Variants in LRP1B observed in about 807,000 individuals in gnomAD.
LRP1B encodes LDL receptor related protein 1B.
In LRP1B, 217 loss-of-function variants were observed where a neutral mutation model predicts 556.6. The ratio of observed to expected loss-of-function variants is 0.39; its 90% CI spans 0.35 to 0.44. The LOEUF (loss-of-function observed/expected upper bound fraction) is 0.44, where lower values mean the gene tolerates loss of function less well. Ranked by LOEUF, LRP1B falls within the 20% of genes least tolerant of loss-of-function variation. LRP1B has a pLI of 1.00. For missense variants in LRP1B, 5,053 were observed against 5,620.8 expected (o/e 0.90, Z 3.23); for synonymous variants, 2,047 against 1,865.8 (o/e 1.10, Z -2.50).
At chr2:141,700,242 T>C (rs1412953451) in intron 2 of LRP1B, among the ~76,000 whole-genome samples, 1 of 151,810 alleles carries the variant, frequency 6.6e-6, no homozygotes, top group Admixed American at 6.6e-5. Context: ...TCTACTCAAA[T>C]CCCATGTAAA....
At chr2:141,617,560 GC>G (rs1402636428) in intron 2 of LRP1B, among the ~76,000 whole-genome samples, 1 of 151,998 alleles carries the variant, frequency 6.6e-6, no homozygotes, top group Non-Finnish European at 1.5e-5. Flanking sequence ...TCCTTACTTA[GC>G]CAATATTTTC....
intron 55 of LRP1B, among the ~76,000 whole-genome samples, chr2:140,500,983 GT>G (rs1689161828): frequency 6.6e-6 from 1 of 151,816 alleles, no homozygotes; most frequent in Non-Finnish European, 1.5e-5. Flanking sequence ...TCTTATTGAG[GT>G]TTTTCCACAT....
At chr2:141,742,259 T>C (rs984119259) in intron 2 of LRP1B, among the ~76,000 whole-genome samples, 8 of 151,096 alleles carry the variant, frequency 5.3e-5, no homozygotes, top group Admixed American at 2.6e-4. Flanking sequence ...TTCTTTCTTT[T>C]TTTTTTTTTT....
At chr2:140,324,681 AATT>A (rs1157329017) in intron 80 of LRP1B, among the ~76,000 whole-genome samples, 1 of 152,024 alleles carries the variant, frequency 6.6e-6, no homozygotes, top group Non-Finnish European at 1.5e-5. Context: ...TTTATAGAAT[AATT>A]ATTCTAACTT....
intron 35 of LRP1B, among the ~76,000 whole-genome samples, chr2:140,765,899 A>C (rs994956932): frequency 6.6e-6 from 1 of 152,134 alleles, no homozygotes; most frequent in African/African-American, 2.4e-5. Flanking sequence ...TGTTTAGAAT[A>C]AGAGGCTAAT....
At chr2:141,728,978 G>A (rs1339567432) in intron 2 of LRP1B, among the ~76,000 whole-genome samples, 1 of 152,112 alleles carries the variant, frequency 6.6e-6, no homozygotes, top group Non-Finnish European at 1.5e-5. Flanking sequence ...GCCAACAGGT[G>A]GCCAGACACT....
intron 25 of LRP1B, among the ~76,000 whole-genome samples, chr2:140,882,865 C>A (rs889387782): frequency 2.0e-5 from 3 of 152,138 alleles, no homozygotes; most frequent in Non-Finnish European, 4.4e-5. Context: ...CATTGGTGCT[C>A]CCTGGACTTG....
chr2:140,804,270 C>T (rs1017023115), intron 32 of LRP1B, among the ~76,000 whole-genome samples: 1 of 151,912 alleles, frequency 6.6e-6, no homozygotes, highest in Non-Finnish European at 1.5e-5. Context: ...TTCAGGATAA[C>T]AAGATTAAAT....
At chr2:140,540,908 T>A (rs1558954601) in intron 45 of LRP1B, 65 bp downstream of exon 45, 1 of 1,517,390 alleles carries the variant, frequency 6.6e-7, no homozygotes, top group Non-Finnish European at 9.0e-7. Flanking sequence ...ACTAACACAA[T>A]TTCAGTGATG....
At chr2:140,475,443 T>TCC (rs1687935054) in intron 59 of LRP1B, 106 bp from the exon 60 acceptor site, 1 of 755,854 alleles carries the variant, frequency 1.3e-6, no homozygotes, top group African/African-American at 1.8e-5. Context: ...AATCTTGCCA[T>TCC]TTTTCTGAAT....
chr2:140,950,200 A>G (rs759757615), intron 20 of LRP1B, 35 bp downstream of exon 20: 3 of 1,449,620 alleles, frequency 2.1e-6, no homozygotes, highest in Admixed American at 2.5e-5. Flanking sequence ...ATCAACTTTT[A>G]AAATGAGATT....
chr2:141,633,329 G>A (rs1399489367), intron 2 of LRP1B, among the ~76,000 whole-genome samples: 4 of 152,142 alleles, frequency 2.6e-5, no homozygotes, highest in Middle Eastern at 3.4e-3. Flanking sequence ...CTGGTTATAA[G>A]GAAAGAACTA....
intron 6 of LRP1B, among the ~76,000 whole-genome samples, chr2:141,189,382 A>T (rs1405815021): frequency 6.6e-6 from 1 of 151,934 alleles, no homozygotes; most frequent in Non-Finnish European, 1.5e-5. Flanking sequence ...TGTCTCACTC[A>T]TTATCTTCAT....
At chr2:140,763,149 G>T (rs1688987332) in intron 35 of LRP1B, among the ~76,000 whole-genome samples, 1 of 152,042 alleles carries the variant, frequency 6.6e-6, no homozygotes, top group South Asian at 2.1e-4. Flanking sequence ...GATGTTGCCG[G>T]TGGGTTAAGA....
At chr2:140,537,805 G>A (rs185031428) in intron 45 of LRP1B, among the ~76,000 whole-genome samples, 11 of 152,170 alleles carry the variant, frequency 7.2e-5, no homozygotes, top group Admixed American at 2.0e-4. Flanking sequence ...TTTTCTACAG[G>A]TGAGTTTCAT....
intron 40 of LRP1B, 96 bp downstream of exon 40, chr2:140,701,625 A>G (rs1686644326): frequency 1.6e-6 from 2 of 1,218,186 alleles, no homozygotes; most frequent in Admixed American, 2.3e-5. Context: ...GAGGTTTTAG[A>G]CTTATAGAAG....
Position 140,883,993 on chromosome 2 carries a change from C to G in LRP1B, c.3993G>C (p.Glu1331Asp). ...GGCCTTCTGGAGTAGCCAGGCCATG[C>G]TCCACAACCACTTCAATGGCACTGA... ...GGVSAIEVVV[E>D]HGLATPEGLT... The change falls in exon 25 of 91, where the codon GAG becomes GAC. Residue 1331 changes from glutamate to aspartate, a missense_variant. Transcript: ENST00000389484. 1 of 1,612,790 alleles carries G rather than the reference C, an allele frequency of 6.2e-7. No individual in the cohort carries two copies. The highest frequency in any genetic ancestry group is 8.5e-7 in the Non-Finnish European group (1 of 1,179,810).
At chr2:141,363,353 G>A (rs1466745751) in intron 3 of LRP1B, among the ~76,000 whole-genome samples, 2 of 152,208 alleles carry the variant, frequency 1.3e-5, no homozygotes, top group East Asian at 3.9e-4. Flanking sequence ...TTTCTCTATT[G>A]AGGGCTGTTA....
intron 1 of LRP1B, among the ~76,000 whole-genome samples, chr2:142,110,641 G>T (rs1384237820): frequency 6.6e-6 from 1 of 152,172 alleles, no homozygotes; most frequent in East Asian, 1.9e-4. Flanking sequence ...CTGCAACAAG[G>T]ATCTTTCCTT....
Sources: allele counts gnomAD v4.1 joint callset (sites outside exome capture counted in the v4.1 genomes callset), GRCh38; gene constraint gnomAD v4.1.1; transcripts MANE v1.5; gene names NCBI Gene and HGNC (gene_info 2026-07-23, HGNC 2026-07-21).